Variants in CD300LF observed in about 807,000 individuals in gnomAD.
CD300LF encodes the protein CMRF35-like molecule 1.
CD300LF carries 27 observed loss-of-function variants against 32.2 expected under a neutral mutation model. That is an observed-to-expected ratio of 0.84 (90% CI 0.62 to 1.15). The LOEUF (loss-of-function observed/expected upper bound fraction) is 1.15. Ranked by LOEUF, CD300LF falls within the 50% of genes most tolerant of loss-of-function variation. CD300LF has a pLI of 0.00. For synonymous variants in CD300LF, 139 were observed against 143.2 expected (o/e 0.97, Z 0.21); for missense variants, 348 against 356.8 (o/e 0.98, Z 0.20).
At chr17:74,702,034 A>G (rs1451556058) in intron 3 of CD300LF, among the ~76,000 whole-genome samples, 1 of 151,690 alleles carries the variant, frequency 6.6e-6, no homozygotes, top group Non-Finnish European at 1.5e-5. Context: ...AAAAAAAAAG[A>G]AAACTTTAAA....
chr17:74,700,542 A>G (rs2032953715), intron 3 of CD300LF, among the ~76,000 whole-genome samples: 1 of 152,110 alleles, frequency 6.6e-6, no homozygotes, highest in African/African-American at 2.4e-5. Context: ...GGAGTTCGAG[A>G]CCAGCCTGGC....
chr17:74,712,699 G>A, intron 1 of CD300LF, 125 bp downstream of exon 1: 2 of 938,000 alleles, frequency 2.1e-6, no homozygotes, highest in Non-Finnish European at 3.4e-6. Flanking sequence ...TGGTGGGTAT[G>A]TGGATGAAAC....
At chr17:74,697,188 C>T (rs1472433148) in intron 4 of CD300LF, among the ~76,000 whole-genome samples, 2 of 152,162 alleles carry the variant, frequency 1.3e-5, no homozygotes, top group African/African-American at 2.4e-5. Context: ...AAGTGATCCA[C>T]CCGCCTCAAC....
In CD300LF at chr17:74,695,021, G is replaced by A. The variant is rs2032289599; in HGVS notation, c.*75C>T. Reference sequence around the variant, plus strand: ...GTCCCCGGGTTGGTCCTGATGAGGGGAGCAGGGGGCAGACGGTCGATGAGG... The same window carrying A: ...GTCCCCGGGTTGGTCCTGATGAGGGAAGCAGGGGGCAGACGGTCGATGAGG... On this transcript the variant is annotated 3_prime_UTR_variant, in exon 7 of 7. Coordinates refer to ENST00000326165, the MANE Select transcript of CD300LF (RefSeq NM_139018.5). The A allele has an allele frequency of 4.0e-6, 6 of 1,498,620 alleles. No individual in the cohort carries two copies. Among genetic ancestry groups the A allele is most frequent in the South Asian group, 2.5e-5 (2 of 78,906 alleles). The allele number at this position is 1,498,620 out of a possible 1,614,324, so 92.8% of individuals were successfully genotyped here. A position where few individuals can be genotyped will look rare whatever the true frequency, so the allele number is the denominator to read the frequency against.
At chr17:74,703,264 C>T in intron 2 of CD300LF, 166 bp from the exon 3 acceptor site, 3 of 730,336 alleles carry the variant, frequency 4.1e-6, no homozygotes, top group Non-Finnish European at 6.8e-6. Context: ...TGGGAAGGGG[C>T]TGCAGCCTGG....
At chr17:74,708,254 A>G (rs1419171016) in intron 1 of CD300LF, among the ~76,000 whole-genome samples, 1 of 152,206 alleles carries the variant, frequency 6.6e-6, no homozygotes, top group East Asian at 1.9e-4. Flanking sequence ...CAGCTATTAT[A>G]TTTAAATAAA....
At chr17:74,703,251 CTAT>C (rs1383837276) in intron 2 of CD300LF, 153 bp from the exon 3 acceptor site, 14 of 808,320 alleles carry the variant, frequency 1.7e-5, no homozygotes, top group Middle Eastern at 3.8e-4. Flanking sequence ...TGGACTGCTA[CTAT>C]GGGAAGGGGC....
intron 3 of CD300LF, 63 bp from the exon 4 acceptor site, chr17:74,698,544 C>A: frequency 6.5e-7 from 1 of 1,549,814 alleles, no homozygotes; most frequent in African/African-American, 1.4e-5. Context: ...AGCCCAATCC[C>A]ACCCACCCAG....
chr17:74,698,921 T>C (rs1488046198), intron 3 of CD300LF, among the ~76,000 whole-genome samples: 1 of 152,212 alleles, frequency 6.6e-6, no homozygotes, highest in East Asian at 1.9e-4. Context: ...TGGTTTTCTT[T>C]GTTTTTCATT....
chr17:74,699,376 A>G (rs998324367), intron 3 of CD300LF, among the ~76,000 whole-genome samples: 2 of 152,118 alleles, frequency 1.3e-5, no homozygotes, highest in Admixed American at 6.5e-5. Context: ...CTTCCCCTCG[A>G]ATTCACATCC....
chr17:74,710,528 A>G (rs1244300328), intron 1 of CD300LF, among the ~76,000 whole-genome samples: 1 of 152,064 alleles, frequency 6.6e-6, no homozygotes, highest in Non-Finnish European at 1.5e-5. Flanking sequence ...AATTCCTAGG[A>G]ATAACTTTAA....
Position 74,704,629 on chromosome 17 carries a change from C to A in CD300LF, c.231G>T (p.Arg77Ser), listed in dbSNP as rs2033358623. Residue 77 changes from arginine to serine, a missense_variant, in exon 2 of 7, where the codon AGG becomes AGT. Transcript: ENST00000326165. The stretch of plus-strand genomic sequence containing the variant: ...GATTGTCCTTGATGGACACCCGGTC[C>A]CTCTTCACCTCCTGCTCTGACCCAC... The part of the protein sequence containing the change: ...KTSGSEQEVK[R>S]DRVSIKDNQK... The A allele has an allele frequency of 6.2e-7, 1 of 1,614,042 alleles. No homozygotes were observed. Among genetic ancestry groups the A allele is most frequent in the Non-Finnish European group, 8.5e-7 (1 of 1,180,032 alleles).
In CD300LF at chr17:74,695,069, G is replaced by T; in HGVS notation, c.*27C>A. 1.2e-6 allele frequency: 2 copies of T among 1,603,478 alleles called. No homozygotes were observed. The highest frequency in any genetic ancestry group is 2.2e-5 in the South Asian group (2 of 90,218). On this transcript the variant is annotated 3_prime_UTR_variant, in exon 7 of 7. Coordinates refer to ENST00000326165, the MANE Select transcript of CD300LF (RefSeq NM_139018.5). ...AGGCAGGAGTGTGCTCACAGCCTGG[G>T]GTCCAAGAAGGAGCCTGGAGTGCAG... is the stretch of plus-strand genomic sequence containing the variant.
Position 74,700,099 on chromosome 17 carries a change from G to A in CD300LF, c.447-1618C>T, listed in dbSNP as rs2032898959. On this transcript the variant is annotated intron_variant, in intron 3 of 6. Transcript: ENST00000326165. ...GGAGGTTGCAGTGAGCTGAGATCGCGCCACTGCACTCCAGCCTGGTCGACA... is the reference window on the plus strand; with the variant it reads ...GGAGGTTGCAGTGAGCTGAGATCGCACCACTGCACTCCAGCCTGGTCGACA... Among the ~76,000 whole-genome samples the A allele has an allele frequency of 3.3e-5, 5 of 151,726 alleles. No homozygotes were observed. The South Asian group carries it at 6.2e-4, about 19-fold the overall frequency.
At chr17:74,711,235 A>G (rs2033939354) in intron 1 of CD300LF, among the ~76,000 whole-genome samples, 1 of 151,998 alleles carries the variant, frequency 6.6e-6, no homozygotes, top group Non-Finnish European at 1.5e-5. Context: ...TCCGGGCTCC[A>G]TGTTGGCGCC....
intron 4 of CD300LF, among the ~76,000 whole-genome samples, chr17:74,697,751 T>C (rs2032634026): frequency 6.6e-6 from 1 of 152,146 alleles, no homozygotes; most frequent in South Asian, 2.1e-4. Flanking sequence ...GAAGAGCTAG[T>C]TCACAAAGGG....
chr17:74,695,054 G>T lies in CD300LF; in HGVS notation c.*42C>A. 6.3e-7 allele frequency: 1 copy of T among 1,591,284 alleles called. No homozygotes were observed. Among genetic ancestry groups the T allele is most frequent in the South Asian group, 1.1e-5 (1 of 88,842 alleles). On this transcript the variant is annotated 3_prime_UTR_variant, in exon 7 of 7. Coordinates refer to ENST00000326165, the MANE Select transcript of CD300LF (RefSeq NM_139018.5). ...GGCAGACGGTCGATGAGGCAGGAGTGTGCTCACAGCCTGGGGTCCAAGAAG... is the reference window on the plus strand; with the variant it reads ...GGCAGACGGTCGATGAGGCAGGAGTTTGCTCACAGCCTGGGGTCCAAGAAG...
Position 74,696,220 on chromosome 17 carries a change from A to G in CD300LF, c.560-3T>C. 6.2e-7 allele frequency: 1 copy of G among 1,606,988 alleles called. No individual in the cohort carries two copies. Among genetic ancestry groups the G allele is most frequent in the Admixed American group, 1.7e-5 (1 of 58,872 alleles). ...CTGCTCTGGGGACATCCCGGCTGCTAAAAGACAAACAACAATTCAGAATTA... is the reference window on the plus strand; with the variant it reads ...CTGCTCTGGGGACATCCCGGCTGCTGAAAGACAAACAACAATTCAGAATTA... On this transcript the variant is annotated splice_region_variant and splice_polypyrimidine_tract_variant and intron_variant, in intron 4 of 6. Coordinates refer to ENST00000326165, the MANE Select transcript of CD300LF (RefSeq NM_139018.5).
intron 1 of CD300LF, 79 bp downstream of exon 1, chr17:74,712,745 C>A (rs373467251): frequency 2.7e-6 from 4 of 1,466,522 alleles, no homozygotes; most frequent in African/African-American, 1.4e-5. Flanking sequence ...ACCTTCTGGC[C>A]GGGTCCCTTC....
Sources: gnomAD v4.1 joint callset for allele counts (sites outside exome capture counted in the v4.1 genomes callset) on GRCh38, gnomAD v4.1.1 for gene constraint, MANE v1.5 for transcripts, NCBI Gene and HGNC (gene_info 2026-07-23, HGNC 2026-07-21) for gene names.